The following ATG2B variants were observed in gnomAD, a reference collection of about 807,000 sequenced individuals.
ATG2B encodes autophagy related 2B.
A neutral mutation model predicts 241.3 loss-of-function variants in ATG2B; 121 were observed. That is an observed-to-expected ratio of 0.50 (90% CI 0.43 to 0.58). The LOEUF (loss-of-function observed/expected upper bound fraction) is 0.58, where lower values mean the gene tolerates loss of function less well. ATG2B is among the 20% of genes least tolerant of loss of function. ATG2B has a pLI of 0.00. For missense variants in ATG2B, 2,306 were observed against 2,491.6 expected (o/e 0.93, Z 1.59); for synonymous variants, 858 against 876.6 (o/e 0.98, Z 0.37).
rs753330534 is a variant in ATG2B, at chr14:96,289,723, T to G, written c.5939A>C (p.His1980Pro). 2 of 1,614,154 alleles carry G rather than the reference T, an allele frequency of 1.2e-6. No individual in the cohort carries two copies. The highest frequency in any genetic ancestry group is 2.2e-5 in the South Asian group (2 of 91,080). ...GTCTACTGGCTGGTGGGCTAACCGG[T>G]GATGAGGAAACCTTTTGGTCTTCTT... ...EPKKTKRFPH[H>P]RLAHQPVDLR... Residue 1980 changes from histidine to proline, a missense_variant, in exon 41 of 42, where the codon CAC becomes CCC. His to Pro is a moderately conservative substitution (Grantham distance 77). This residue lies in a region of ATG2B where 379 missense variants were observed against 480.4 expected (regional missense o/e 0.79). Transcript: ENST00000359933. This position sits in a 1 kb window ranked among gnomAD's most constrained non-coding sequence, Gnocchi z 4.3.
chr14:96,285,640 C>T lies in ATG2B; in HGVS notation c.*115G>A, dbSNP rs1886313033. 20 of 949,148 alleles carry T rather than the reference C, an allele frequency of 2.1e-5. No homozygotes were observed. In the South Asian group the frequency reaches 3.0e-4, roughly 14 times the overall value. The allele number at this position is 949,148 out of a possible 1,614,324, so 58.8% of individuals were successfully genotyped here. On this transcript the variant is annotated 3_prime_UTR_variant, in exon 42 of 42. Coordinates refer to ENST00000359933, the MANE Select transcript of ATG2B (RefSeq NM_018036.7). The surrounding 1 kb of genome is among the most constrained non-coding windows in gnomAD (Gnocchi z 4.2). ...TGTTAAATTATTTAACTAAAAAATG[C>T]TTTTGTTCCTGAGATGAGCACAATA...
chr14:96,351,423 G>A (rs910127847), intron 1 of ATG2B, among the ~76,000 whole-genome samples: 2 of 152,142 alleles, frequency 1.3e-5, no homozygotes, highest in African/African-American at 4.8e-5. Flanking sequence ...GAGACATGGT[G>A]AAACTCGTCT....
intron 18 of ATG2B, among the ~76,000 whole-genome samples, chr14:96,320,960 T>C (rs1887442339): frequency 6.6e-6 from 1 of 152,144 alleles, no homozygotes; most frequent in Non-Finnish European, 1.5e-5. Flanking sequence ...CATTAGGTGC[T>C]ATTTATAATG....
chr14:96,282,328 A>G lies in ATG2B; in HGVS notation c.*3427T>C, dbSNP rs1264420990. On this transcript the variant is annotated 3_prime_UTR_variant, in exon 42 of 42. Transcript: ENST00000359933. ...TGTGTTTGCACAGTCCCTTCCTTTCAAGGAACTTAAAGAACTTGATGGAGA... is the reference window on the plus strand; with the variant it reads ...TGTGTTTGCACAGTCCCTTCCTTTCGAGGAACTTAAAGAACTTGATGGAGA... 2 of 152,244 alleles carry G rather than the reference A, an allele frequency of 1.3e-5. No individual in the cohort carries two copies. Among genetic ancestry groups the G allele is most frequent in the East Asian group, 1.9e-4 (1 of 5,204 alleles). 9.4% of individuals were successfully genotyped at this position (152,244 alleles called of 1,614,324 possible). A position where few individuals can be genotyped will look rare whatever the true frequency, so the allele number is the denominator to read the frequency against.
chr14:96,332,305 A>G lies in ATG2B; in HGVS notation c.1468T>C (p.Ser490Pro). 1 of 1,607,930 alleles carries G rather than the reference A, an allele frequency of 6.2e-7. No homozygotes were observed. Among genetic ancestry groups the G allele is most frequent in the Non-Finnish European group, 8.5e-7 (1 of 1,174,832 alleles). Reference sequence around the variant, plus strand: ...CAACAAATGTCTTATTTTTACTTACATGTCTTCTGTAAAGGTGTTGGGTGA... The same window carrying G: ...CAACAAATGTCTTATTTTTACTTACGTGTCTTCTGTAAAGGTGTTGGGTGA... ...LVHPTPLQKT[S>P]LPSRSVSVDE... is the part of the protein sequence containing the mutation. Residue 490 changes from serine (S) to proline (P), a missense_variant and splice_region_variant, in exon 10 of 42, where the codon TCT (serine) becomes CCT (proline). Ser to Pro is a moderately conservative substitution (Grantham distance 74). Around this residue, in one of 2 missense-constraint regions of ATG2B, gnomAD observed 1,927 missense variants for 2,011.2 expected, o/e 0.96. Transcript: ENST00000359933.
At chr14:96,313,459 G>A (rs749905774) in intron 23 of ATG2B, 24 bp from the exon 24 acceptor site, 12 of 1,312,978 alleles carry the variant, frequency 9.1e-6, no homozygotes, top group South Asian at 2.8e-5. Context: ...AAATTAAAAC[G>A]CCCTGCTTTA....
At position 96,302,316 on chromosome 14, in the gene ATG2B, G is replaced by A. The variant is rs555043498; in HGVS notation, c.5038-208C>T. ...ATCTGATTAAAGGCTGGGCACGGTGGCTCATGCCAGTAATCTCAACACTTT... is the reference window on the plus strand; with the variant it reads ...ATCTGATTAAAGGCTGGGCACGGTGACTCATGCCAGTAATCTCAACACTTT... On this transcript the variant is annotated intron_variant, in intron 33 of 41. Transcript: ENST00000359933. Among the ~76,000 whole-genome samples the A allele has an allele frequency of 9.2e-5, 14 of 152,278 alleles. No individual in the cohort carries two copies. In the East Asian group the frequency reaches 2.7e-3, roughly 29 times the overall value.
intron 35 of ATG2B, 82 bp downstream of exon 35, chr14:96,295,400 G>T: frequency 1.0e-6 from 1 of 991,032 alleles, no homozygotes; most frequent in Non-Finnish European, 1.5e-6. Flanking sequence ...AATATTGTAA[G>T]TACATTCTCA....
Position 96,283,679 on chromosome 14 carries a change from A to C in ATG2B, c.*2076T>G, listed in dbSNP as rs1480959260. 1 of 152,250 alleles carries C rather than the reference A, an allele frequency of 6.6e-6. No individual in the cohort carries two copies. Among genetic ancestry groups the C allele is most frequent in the Non-Finnish European group, 1.5e-5 (1 of 68,054 alleles). The allele number at this position is 152,250 out of a possible 1,614,324, so 9.4% of individuals were successfully genotyped here. On this transcript the variant is annotated 3_prime_UTR_variant, in exon 42 of 42. Transcript: ENST00000359933. ...GTCATCACAACACCAAAGTCTGAAA[A>C]GACACTTGTAAAAAAGAAAAAGCTT...
In ATG2B at chr14:96,306,858, A is replaced by G; in HGVS notation, c.4362T>C (p.Phe1454=). Reference sequence around the variant, plus strand: ...GGGATACATTCCCACTCTCGTCAGGAAACAGGAAGAGGTCTGAACAACATG... The same window carrying G: ...GGGATACATTCCCACTCTCGTCAGGGAACAGGAAGAGGTCTGAACAACATG... ...QEPCCSDLFL[F]PDESGNVSQE... is the part of the protein sequence containing the mutation. The change falls in exon 30 of 42, where the codon TTT becomes TTC. Residue 1454 remains phenylalanine (F), a synonymous_variant. Coordinates refer to ENST00000359933, the MANE Select transcript of ATG2B (RefSeq NM_018036.7). The G allele has an allele frequency of 6.2e-7, 1 of 1,614,134 alleles. No homozygotes were observed. Among genetic ancestry groups the G allele is most frequent in the Non-Finnish European group, 8.5e-7 (1 of 1,180,034 alleles).
In ATG2B at chr14:96,295,486, T is replaced by C. The variant is rs72704870; in HGVS notation, c.5214A>G (p.Pro1738=). 1.2e-4 allele frequency: 189 copies of C among 1,593,986 alleles called. No individual in the cohort carries two copies. The African/African-American group carries it at 2.1e-3, about 18-fold the overall frequency. ...TCAACTATACATATTTAATACCTTC[T>C]GGATCTGGAGTCATTTGAAGCTCTA... The part of the protein sequence containing the change: ...AEVELQMTPD[P]EVKKSPGADV... The change falls in exon 35 of 42, where the codon CCA becomes CCG. Residue 1738 remains proline, a synonymous_variant. Coordinates refer to ENST00000359933, the MANE Select transcript of ATG2B (RefSeq NM_018036.7).
Position 96,332,573 on chromosome 14 carries a change from G to T in ATG2B, c.1290C>A (p.Asn430Lys). 6.2e-7 allele frequency: 1 copy of T among 1,611,152 alleles called. No individual in the cohort carries two copies. Among genetic ancestry groups the T allele is most frequent in the Non-Finnish European group, 8.5e-7 (1 of 1,178,916 alleles). The change falls in exon 9 of 42, where the codon AAC becomes AAA. Residue 430 changes from asparagine (N) to lysine (K), a missense_variant. Around this residue, in one of 2 missense-constraint regions of ATG2B, gnomAD observed 1,927 missense variants for 2,011.2 expected, o/e 0.96. Coordinates refer to ENST00000359933, the MANE Select transcript of ATG2B (RefSeq NM_018036.7). Reference protein sequence around the residue: ...SSLPPLGDPPNMDLELSLTST... With the variant: ...SSLPPLGDPPKMDLELSLTST... The stretch of plus-strand genomic sequence containing the variant: ...TAGTTAATGATAACTCAAGGTCCAT[G>T]TTTGGGGGGTCCCCAAGGGGTGGAA...
chr14:96,333,745 C>T lies in ATG2B; in HGVS notation c.1150G>A (p.Val384Ile). The T allele has an allele frequency of 1.2e-6, 2 of 1,613,910 alleles. No individual in the cohort carries two copies. The highest frequency in any genetic ancestry group is 1.1e-5 in the South Asian group (1 of 91,074). Residue 384 changes from valine to isoleucine, a missense_variant, in exon 8 of 42, where the codon GTA becomes ATA. Around this residue, in one of 2 missense-constraint regions of ATG2B, gnomAD observed 1,927 missense variants for 2,011.2 expected, o/e 0.96. Coordinates refer to ENST00000359933, the MANE Select transcript of ATG2B (RefSeq NM_018036.7). ...TCATAAAAGCTTTGCTCTGAAGATA[C>T]ACCCACAGAGAGGGAATCTTTTCTC... ...YLRKDSLSVG[V>I]SSEQSFYETE...
intron 33 of ATG2B, among the ~76,000 whole-genome samples, chr14:96,302,567 C>T (rs1015440916): frequency 5.7e-5 from 8 of 141,238 alleles, no homozygotes; most frequent in African/African-American, 2.0e-4. Context: ...CAGAGTGAGA[C>T]ACTGTTGGGG....
intron 1 of ATG2B, among the ~76,000 whole-genome samples, chr14:96,347,548 C>T (rs921069741): frequency 2.0e-5 from 3 of 152,096 alleles, no homozygotes; most frequent in Admixed American, 6.6e-5. Context: ...AGGGATAACC[C>T]GCAGAATGGC....
rs1887147943 is a variant in ATG2B at position 96,311,275 on chromosome 14, A to G, written c.4003T>C (p.Phe1335Leu). The change falls in exon 28 of 42, where the codon TTT becomes CTT. Residue 1335 changes from phenylalanine to leucine, a missense_variant. By Grantham distance (22) the Phe-to-Leu change is conservative (BLOSUM62 0). This residue lies in a region of ATG2B where 1,927 missense variants were observed against 2,011.2 expected (regional missense o/e 0.96). Coordinates refer to ENST00000359933, the MANE Select transcript of ATG2B (RefSeq NM_018036.7). Reference sequence around the variant, plus strand: ...ACATCGCTGGAACAGTGTAACTCAAAGCGGGGCTCAGTCTGGACAAGACAC... The same window carrying G: ...ACATCGCTGGAACAGTGTAACTCAAGGCGGGGCTCAGTCTGGACAAGACAC... Reference protein sequence around the residue: ...DSDGEQTEPRFELHCSSDVVH... With the variant: ...DSDGEQTEPRLELHCSSDVVH... 6.2e-7 allele frequency: 1 copy of G among 1,611,688 alleles called. No homozygotes were observed. Among genetic ancestry groups the G allele is most frequent in the African/African-American group, 1.3e-5 (1 of 74,830 alleles).
Position 96,280,333 on chromosome 14 carries a change from G to C in ATG2B, c.*5422C>G, listed in dbSNP as rs1886164628. 6.6e-6 allele frequency: 1 copy of C among 152,226 alleles called. No homozygotes were observed. Among genetic ancestry groups the C allele is most frequent in the Admixed American group, 6.5e-5 (1 of 15,282 alleles). 9.4% of individuals were successfully genotyped at this position (152,226 alleles called of 1,614,324 possible). A position where few individuals can be genotyped will look rare whatever the true frequency, so the allele number is the denominator to read the frequency against. ...AGTCAAACCATGTGACGGTGAGCAA[G>C]TTTCTTGACCTCTCTGAACCTGTCT... On this transcript the variant is annotated 3_prime_UTR_variant, in exon 42 of 42. Coordinates refer to ENST00000359933, the MANE Select transcript of ATG2B (RefSeq NM_018036.7).
intron 1 of ATG2B, 115 bp downstream of exon 1, chr14:96,362,700 G>T: frequency 1.9e-6 from 2 of 1,028,434 alleles, no homozygotes; most frequent in Non-Finnish European, 2.8e-6. Context: ...TGTCACACTC[G>T]GGTCCAAACA....
At chr14:96,350,322 G>GA (rs1888280926) in intron 1 of ATG2B, among the ~76,000 whole-genome samples, 1 of 152,044 alleles carries the variant, frequency 6.6e-6, no homozygotes, top group Non-Finnish European at 1.5e-5. Flanking sequence ...GAAGAAACTA[G>GA]AAAAAAGCAA....
Sources: gnomAD v4.1 joint callset for allele counts (sites outside exome capture counted in the v4.1 genomes callset) on GRCh38, gnomAD v4.1.1 for gene constraint, gnomAD v4.1.1 regional missense constraint, Gnocchi (gnomAD v3.1) non-coding constraint, MANE v1.5 for transcripts, NCBI Gene and HGNC (gene_info 2026-07-23, HGNC 2026-07-21) for gene names.